TBCA: variants seen among roughly 807,000 people sequenced by gnomAD.
The protein encoded by TBCA is tubulin-specific chaperone A.
In TBCA, 6 loss-of-function variants were observed where a neutral mutation model predicts 15.8. The observed-to-expected ratio is 0.38, with a 90% CI of 0.21 to 0.75. The LOEUF (loss-of-function observed/expected upper bound fraction) is 0.75. Among genes scored for constraint, TBCA ranks in the 30% least tolerant of loss-of-function variants. The pLI, the probability that TBCA is intolerant of heterozygous loss-of-function variation, is 0.46. For synonymous variants in TBCA, 32 were observed against 42.3 expected, an observed-to-expected ratio of 0.76 and a Z score of 0.94; for missense variants, 90 against 131.2, an observed-to-expected ratio of 0.69 and a Z score of 1.53.
At chr5:77,728,922 A>G (rs550194245) in intron 1 of TBCA, among the ~76,000 whole-genome samples, 9 of 152,260 alleles carry the variant, frequency 5.9e-5, no homozygotes, top group South Asian at 2.1e-4. Flanking sequence ...TGGGCCCGCC[A>G]TAAGTGGACT....
chr5:77,692,895 T>C (rs979241235), intron 3 of TBCA: 10 of 1,187,444 alleles, frequency 8.4e-6, no homozygotes, highest in Non-Finnish European at 9.4e-6. Flanking sequence ...TCCCAAATTC[T>C]TTTGAAACAT....
intron 2 of TBCA, among the ~76,000 whole-genome samples, chr5:77,707,692 G>A (rs957842221): frequency 6.6e-6 from 1 of 152,130 alleles, no homozygotes; most frequent in Non-Finnish European, 1.5e-5. Flanking sequence ...AGTGCAATGC[G>A]TATTTTATTT....
intron 1 of TBCA, among the ~76,000 whole-genome samples, chr5:77,758,470 G>A (rs1747528288): frequency 6.6e-6 from 1 of 152,196 alleles, no homozygotes; most frequent in Non-Finnish European, 1.5e-5. Flanking sequence ...AATCTTTAGT[G>A]TTGTGAGCCC....
chr5:77,760,728 T>C (rs1747601872), intron 1 of TBCA, among the ~76,000 whole-genome samples: 1 of 152,214 alleles, frequency 6.6e-6, no homozygotes. Flanking sequence ...CAGTGCTCAA[T>C]GTTGCCCAGG....
At chr5:77,697,709 C>A (rs1745902868) in intron 2 of TBCA, among the ~76,000 whole-genome samples, 1 of 151,958 alleles carries the variant, frequency 6.6e-6, no homozygotes, top group African/African-American at 2.4e-5. Flanking sequence ...TAAATAAGTT[C>A]TTGTTTCGAG....
intron 1 of TBCA, among the ~76,000 whole-genome samples, chr5:77,762,950 A>T (rs1451187879): frequency 6.6e-6 from 1 of 152,196 alleles, no homozygotes; most frequent in African/African-American, 2.4e-5. Flanking sequence ...ACGCTTGTTT[A>T]AAAAGACAAG....
At chr5:77,738,774 G>C (rs920480009) in intron 1 of TBCA, among the ~76,000 whole-genome samples, 3 of 152,062 alleles carry the variant, frequency 2.0e-5, no homozygotes, top group African/African-American at 7.2e-5. Context: ...GTAGAGACAG[G>C]GTTTCACCAT....
intron 2 of TBCA, among the ~76,000 whole-genome samples, chr5:77,703,406 G>C (rs1452058280): frequency 6.6e-6 from 1 of 152,192 alleles, no homozygotes; most frequent in Non-Finnish European, 1.5e-5. Context: ...AATTGGTGGA[G>C]AAGAAGAGAG....
At chr5:77,759,692 G>A (rs1174734718) in intron 1 of TBCA, among the ~76,000 whole-genome samples, 1 of 152,104 alleles carries the variant, frequency 6.6e-6, no homozygotes. Context: ...ATCTCAGTAG[G>A]CATTTTCCAT....
intron 1 of TBCA, among the ~76,000 whole-genome samples, chr5:77,731,047 G>C (rs1308551458): frequency 6.6e-6 from 1 of 152,124 alleles, no homozygotes; most frequent in Admixed American, 6.6e-5. Flanking sequence ...CTTGCCTGCA[G>C]ATTTCCTTTA....
chr5:77,729,630 G>C (rs962200279), intron 1 of TBCA, among the ~76,000 whole-genome samples: 6 of 152,130 alleles, frequency 3.9e-5, no homozygotes, highest in Non-Finnish European at 1.5e-5. Flanking sequence ...TTGCTAAAAA[G>C]TAACATTCAG....
intron 1 of TBCA, among the ~76,000 whole-genome samples, chr5:77,744,716 A>T (rs1253542308): frequency 6.6e-6 from 1 of 151,714 alleles, no homozygotes. Context: ...TTGTATTTTT[A>T]GTAGAGACGG....
At chr5:77,750,900 A>T (rs1309280631) in intron 1 of TBCA, among the ~76,000 whole-genome samples, 1 of 152,188 alleles carries the variant, frequency 6.6e-6, no homozygotes, top group Non-Finnish European at 1.5e-5. Context: ...CTTCCAGGTC[A>T]TCGGTAGATT....
chr5:77,706,922 A>C (rs557511262), intron 2 of TBCA, among the ~76,000 whole-genome samples: 3 of 152,244 alleles, frequency 2.0e-5, no homozygotes, highest in African/African-American at 7.2e-5. Context: ...GGACCAACTA[A>C]ATTTTTGACC....
At chr5:77,723,806 G>A (rs1038860119) in intron 1 of TBCA, among the ~76,000 whole-genome samples, 3 of 151,974 alleles carry the variant, frequency 2.0e-5, no homozygotes, top group Non-Finnish European at 2.9e-5. Context: ...AAAGACACGT[G>A]ACATTCAGAA....
chr5:77,752,660 G>A (rs1249918338), intron 1 of TBCA, among the ~76,000 whole-genome samples: 1 of 116,104 alleles, frequency 8.6e-6, no homozygotes, highest in Non-Finnish European at 1.9e-5. Flanking sequence ...CCGGGTTCAC[G>A]CCATTCTCCT....
intron 1 of TBCA, among the ~76,000 whole-genome samples, chr5:77,731,714 T>C (rs1746772418): frequency 6.6e-6 from 1 of 152,164 alleles, no homozygotes; most frequent in African/African-American, 2.4e-5. Flanking sequence ...TTTCCCCATT[T>C]TTGCTATTTC....
intron 1 of TBCA, among the ~76,000 whole-genome samples, chr5:77,744,967 CT>C (rs1386814792): frequency 1.3e-5 from 2 of 152,204 alleles, no homozygotes; most frequent in Non-Finnish European, 2.9e-5. Context: ...AGCTGTGTAT[CT>C]TTGGGTACAT....
rs758533338 is a variant in TBCA at position 77,708,225 on chromosome 5, T to G, written c.159+17A>C. 1.6e-6 allele frequency: 2 copies of G among 1,233,402 alleles called. No homozygotes were observed. The highest frequency in any genetic ancestry group is 2.3e-6 in the Non-Finnish European group (2 of 875,528). 76.4% of individuals were successfully genotyped at this position (1,233,402 alleles called of 1,614,324 possible). On this transcript the variant is annotated intron_variant, in intron 2 of 3. Transcript: ENST00000380377. The stretch of plus-strand genomic sequence containing the variant: ...TTCTGTAAATGTTAGCTATTGTTAT[T>G]TATGATATAATTTTACCTGCTTTTT...
Sources: allele counts gnomAD v4.1 joint callset (sites outside exome capture counted in the v4.1 genomes callset), GRCh38; gene constraint gnomAD v4.1.1; transcripts MANE v1.5; gene names NCBI Gene and HGNC (gene_info 2026-07-23, HGNC 2026-07-21).